Variants in ORC4 observed in about 807,000 individuals in gnomAD.
ORC4 encodes origin recognition complex, subunit 4 homolog.
Under a neutral mutation model 63.9 loss-of-function variants are expected in ORC4, and 55 were observed. That is an observed-to-expected ratio of 0.86 (90% CI 0.69 to 1.08). The LOEUF (loss-of-function observed/expected upper bound fraction) is 1.08. Among genes scored for constraint, ORC4 ranks in the 50% least tolerant of loss-of-function variants. The pLI, the probability that ORC4 is intolerant of heterozygous loss-of-function variation, is 0.00. For missense variants in ORC4, 511 were observed against 504.4 expected (o/e 1.01, Z -0.13); for synonymous variants, 150 against 168.5 (o/e 0.89, Z 0.85).
intron 4 of ORC4, chr2:147,960,364 G>A (rs1432603503): frequency 1.0e-6 from 1 of 972,214 alleles, no homozygotes; most frequent in African/African-American, 1.8e-5. Flanking sequence ...TCTAATCTGG[G>A]TATTGCTAAA....
intron 1 of ORC4, among the ~76,000 whole-genome samples, chr2:147,978,596 C>G (rs948895479): frequency 6.6e-6 from 1 of 152,168 alleles, no homozygotes; most frequent in Non-Finnish European, 1.5e-5. Flanking sequence ...GCAGTTGGGA[C>G]TGAGGACAGT....
chr2:147,967,070 T>C (rs895824965), intron 4 of ORC4, among the ~76,000 whole-genome samples: 2 of 151,768 alleles, frequency 1.3e-5, no homozygotes, highest in Non-Finnish European at 2.9e-5. Context: ...ACCACATCAA[T>C]AGAATGGAGG....
chr2:147,971,023 T>G (rs1465776304), intron 4 of ORC4, among the ~76,000 whole-genome samples: 3 of 151,486 alleles, frequency 2.0e-5, no homozygotes, highest in African/African-American at 4.8e-5. Context: ...TGCAGTCCCA[T>G]GTACTCAGGA....
intron 13 of ORC4, chr2:147,936,463 A>T (rs888655346): frequency 6.6e-6 from 1 of 152,204 alleles, no homozygotes; most frequent in Non-Finnish European, 1.5e-5. Flanking sequence ...CCATTAAATA[A>T]TGATACACTG....
At chr2:147,997,510 T>C (rs940824578) in intron 1 of ORC4, among the ~76,000 whole-genome samples, 4 of 152,150 alleles carry the variant, frequency 2.6e-5, no homozygotes, top group Non-Finnish European at 4.4e-5. Context: ...TAATTCCTAA[T>C]GGTTGAGAAG....
chr2:147,983,541 T>C (rs972695255), intron 1 of ORC4, among the ~76,000 whole-genome samples: 1 of 152,150 alleles, frequency 6.6e-6, no homozygotes, highest in African/African-American at 2.4e-5. Context: ...CAGGGGGTCA[T>C]AGGGACCTTT....
chr2:147,938,933 T>A (rs970622069), intron 11 of ORC4, among the ~76,000 whole-genome samples: 6 of 152,184 alleles, frequency 3.9e-5, no homozygotes, highest in Non-Finnish European at 8.8e-5. Flanking sequence ...GGATTTCCAA[T>A]GTGGCAAAAG....
intron 7 of ORC4, among the ~76,000 whole-genome samples, chr2:147,954,591 A>C (rs1689142317): frequency 6.6e-6 from 1 of 152,200 alleles, no homozygotes; most frequent in African/African-American, 2.4e-5. Flanking sequence ...CTATCATTGA[A>C]TTAAAGGTTG....
intron 1 of ORC4, among the ~76,000 whole-genome samples, chr2:147,977,714 G>A (rs548596389): frequency 1.3e-5 from 2 of 152,290 alleles, no homozygotes; most frequent in South Asian, 2.1e-4. Context: ...TCCCTTGGCG[G>A]ACTGGACTTT....
intron 6 of ORC4, among the ~76,000 whole-genome samples, chr2:147,955,822 A>C (rs980298604): frequency 6.6e-6 from 1 of 151,978 alleles, no homozygotes. Context: ...GCAAGTCTCT[A>C]ATTTGTACTG....
intron 1 of ORC4, among the ~76,000 whole-genome samples, chr2:148,008,450 G>A (rs1558878732): frequency 6.6e-6 from 1 of 152,290 alleles, no homozygotes; most frequent in South Asian, 2.1e-4. Context: ...TGTTAGATAT[G>A]AGTTCTAAAT....
intron 1 of ORC4, among the ~76,000 whole-genome samples, chr2:148,008,528 T>C (rs910159616): frequency 1.3e-4 from 20 of 152,186 alleles, no homozygotes; most frequent in Non-Finnish European, 7.3e-5. Flanking sequence ...CTTAACTTCC[T>C]CGTAAAGCAA....
At chr2:147,997,839 T>G (rs1419696674) in intron 1 of ORC4, among the ~76,000 whole-genome samples, 5 of 152,226 alleles carry the variant, frequency 3.3e-5, no homozygotes, top group Non-Finnish European at 7.3e-5. Context: ...AATTTGAATA[T>G]ATAAATTTCT....
chr2:148,020,841 C>G (rs1315686377), upstream of ORC4: 4 of 152,320 alleles, frequency 2.6e-5, no homozygotes, highest in Non-Finnish European at 5.9e-5. Flanking sequence ...CGTTCCTCCA[C>G]TTTCCCTTAG....
At chr2:147,952,566 C>T (rs1198699013) in intron 7 of ORC4, 42 bp from the exon 8 acceptor site, 3 of 1,457,000 alleles carry the variant, frequency 2.1e-6, no homozygotes, top group Non-Finnish European at 2.9e-6. Context: ...GAAATTATAT[C>T]CACCTTTCCT....
chr2:147,937,988 T>C, intron 13 of ORC4, 158 bp downstream of exon 13: 1 of 660,764 alleles, frequency 1.5e-6, no homozygotes, highest in South Asian at 1.9e-5. Flanking sequence ...TTCCTCAGAT[T>C]TTTCCAAAAT....
At chr2:147,949,000 T>C (rs984454423) in intron 8 of ORC4, among the ~76,000 whole-genome samples, 1 of 147,970 alleles carries the variant, frequency 6.8e-6, no homozygotes, top group Non-Finnish European at 1.5e-5. Flanking sequence ...ACACAGCATA[T>C]TATATATAAT....
At chr2:148,003,292 T>G (rs2105440383) in intron 1 of ORC4, among the ~76,000 whole-genome samples, 1 of 152,268 alleles carries the variant, frequency 6.6e-6, no homozygotes, top group South Asian at 2.1e-4. Flanking sequence ...TACCAAAATC[T>G]GGCAGAGACA....
At chr2:147,997,619 T>G (rs531447925) in intron 1 of ORC4, among the ~76,000 whole-genome samples, 1 of 152,246 alleles carries the variant, frequency 6.6e-6, no homozygotes, top group Admixed American at 6.5e-5. Flanking sequence ...TCAAAGTACA[T>G]GACAAAGCTC....
Sources: gnomAD v4.1 joint callset for allele counts (sites outside exome capture counted in the v4.1 genomes callset) on GRCh38, gnomAD v4.1.1 for gene constraint, MANE v1.5 for transcripts, NCBI Gene and HGNC (gene_info 2026-07-23, HGNC 2026-07-21) for gene names.